Variants in UNC13C observed in about 807,000 individuals in gnomAD.
UNC13C encodes protein unc-13 homolog C.
UNC13C carries 174 observed loss-of-function variants against 245.4 expected under a neutral mutation model. That is an observed-to-expected ratio of 0.71 (90% CI 0.63 to 0.80). UNC13C has a LOEUF of 0.80. Among genes scored for constraint, UNC13C ranks in the 30% least tolerant of loss-of-function variants. The pLI is 0.00. For missense variants in UNC13C, 2,829 were observed against 2,602.9 expected, an observed-to-expected ratio of 1.09 and a Z score of -1.89; for synonymous variants, 992 against 895.1, an observed-to-expected ratio of 1.11 and a Z score of -1.93.
intron 17 of UNC13C, among the ~76,000 whole-genome samples, chr15:54,352,101 T>C (rs113919540): frequency 2.0e-5 from 3 of 151,808 alleles, no homozygotes; most frequent in East Asian, 1.9e-4. Context: ...AAGTTAAATA[T>C]GAAATTTTAA....
chr15:54,612,883 G>C (rs1900196211), intron 30 of UNC13C, among the ~76,000 whole-genome samples: 1 of 151,804 alleles, frequency 6.6e-6, no homozygotes, highest in Non-Finnish European at 1.5e-5. Flanking sequence ...GTTTTAATAA[G>C]CTTTATTTGG....
chr15:53,902,143 A>T, the UNC13C span, among the ~76,000 whole-genome samples: 1 of 152,160 alleles, frequency 6.6e-6, no homozygotes, highest in African/African-American at 2.4e-5. Context: ...CTCATAGCGT[A>T]TAATAATACT....
chr15:54,565,365 G>A lies in UNC13C; in HGVS notation c.5959-2435G>A, dbSNP rs139333273. Among the ~76,000 whole-genome samples, 777 of 152,038 alleles carry A rather than the reference G, an allele frequency of 5.1e-3. 10 individuals carry two copies. The highest frequency in any genetic ancestry group is 0.017 in the African/African-American group (724 of 41,508). On this transcript the variant is annotated intron_variant, in intron 29 of 32. Transcript: ENST00000260323. ...TATTAAAGAAAAGAGGGAGAAAACA[G>A]GTGGCACAGCAGACACTACCACAGA... is the stretch of plus-strand genomic sequence containing the variant.
intron 26 of UNC13C, among the ~76,000 whole-genome samples, chr15:54,539,874 C>T (rs965086458): frequency 6.6e-6 from 1 of 151,986 alleles, no homozygotes; most frequent in Non-Finnish European, 1.5e-5. Flanking sequence ...TATTTTTACT[C>T]AGTCTTACTA....
chr15:54,400,839 G>A (rs964046444), intron 18 of UNC13C, among the ~76,000 whole-genome samples: 1 of 152,106 alleles, frequency 6.6e-6, no homozygotes, highest in African/African-American at 2.4e-5. Context: ...CCATGTTGGT[G>A]TGCTGCACCC....
chr15:54,285,695 A>T (rs2037126538), intron 10 of UNC13C, among the ~76,000 whole-genome samples: 1 of 152,158 alleles, frequency 6.6e-6, no homozygotes, highest in Non-Finnish European at 1.5e-5. Context: ...TTACTAGAAG[A>T]TATTTGAAAC....
At chr15:54,247,443 C>T (rs528576835) in intron 7 of UNC13C, among the ~76,000 whole-genome samples, 1 of 152,134 alleles carries the variant, frequency 6.6e-6, no homozygotes, top group Non-Finnish European at 1.5e-5. Context: ...TTTTTATATG[C>T]TTTTCCTACC....
chr15:54,413,158 GA>G (rs2040448261), intron 18 of UNC13C, among the ~76,000 whole-genome samples: 1 of 151,946 alleles, frequency 6.6e-6, no homozygotes, highest in African/African-American at 2.4e-5. Flanking sequence ...TATATATTGT[GA>G]GATTAAATTT....
At chr15:54,338,304 A>G (rs2038642467) in intron 16 of UNC13C, 57 bp from the exon 17 acceptor site, 4 of 1,569,174 alleles carry the variant, frequency 2.5e-6, no homozygotes, top group South Asian at 1.2e-5. Context: ...AGTAGTTTAT[A>G]CTAGATTACA....
chr15:53,845,322 C>CAAAA, the UNC13C span, among the ~76,000 whole-genome samples: 33 of 135,054 alleles, frequency 2.4e-4, no homozygotes, highest in South Asian at 2.4e-3. Context: ...GAGAGTCTCT[C>CAAAA]AAAAAAAAAA....
the UNC13C span, among the ~76,000 whole-genome samples, chr15:53,881,867 GC>G: frequency 6.6e-6 from 1 of 152,142 alleles, no homozygotes; most frequent in Non-Finnish European, 1.5e-5. Flanking sequence ...TGTGCATCAT[GC>G]CTATAACCCA....
At chr15:54,530,119 A>G (rs1037426157) in intron 25 of UNC13C, among the ~76,000 whole-genome samples, 1 of 152,190 alleles carries the variant, frequency 6.6e-6, no homozygotes, top group Non-Finnish European at 1.5e-5. Flanking sequence ...TGGTCCATTG[A>G]TGCATTCAAC....
chr15:54,346,294 A>C (rs909469839), intron 17 of UNC13C, among the ~76,000 whole-genome samples: 5 of 152,234 alleles, frequency 3.3e-5, no homozygotes, highest in Non-Finnish European at 2.9e-5. Context: ...GTGACTCTAC[A>C]TTAAAACCTA....
At chr15:54,116,412 C>T (rs1210102409) in intron 2 of UNC13C, among the ~76,000 whole-genome samples, 1 of 152,064 alleles carries the variant, frequency 6.6e-6, no homozygotes, top group African/African-American at 2.4e-5. Context: ...ACTAATCAGC[C>T]TATCTTTATA....
intron 17 of UNC13C, among the ~76,000 whole-genome samples, chr15:54,392,719 C>A (rs1230183777): frequency 1.3e-5 from 2 of 151,662 alleles, no homozygotes; most frequent in African/African-American, 4.9e-5. Context: ...GGCATAATTT[C>A]TAATAATAAT....
chr15:54,485,009 T>C (rs575150181), intron 19 of UNC13C, among the ~76,000 whole-genome samples: 1 of 152,328 alleles, frequency 6.6e-6, no homozygotes, highest in East Asian at 1.9e-4. Context: ...TGAATTTTTT[T>C]TTTGTTTTAT....
chr15:53,925,792 T>A, the UNC13C span, among the ~76,000 whole-genome samples: 150,258 of 152,284 alleles, frequency 0.99, 74,162 homozygotes, highest in Middle Eastern at 1. Context: ...GTCTCCGAAA[T>A]CTATTTTTAA....
intron 18 of UNC13C, among the ~76,000 whole-genome samples, chr15:54,403,180 G>A (rs1396850133): frequency 6.6e-6 from 1 of 152,158 alleles, no homozygotes; most frequent in Non-Finnish European, 1.5e-5. Context: ...TATTTAGGCT[G>A]TCCCTGGCCA....
intron 28 of UNC13C, 148 bp downstream of exon 28, chr15:54,549,839 C>T (rs1444186411): frequency 1.8e-6 from 1 of 563,464 alleles, no homozygotes; most frequent in African/African-American, 1.9e-5. Flanking sequence ...GAATTTTTAA[C>T]TTTGTATTGC....
Sources: allele counts gnomAD v4.1 joint callset (sites outside exome capture counted in the v4.1 genomes callset), GRCh38; gene constraint gnomAD v4.1.1; transcripts MANE v1.5; gene names NCBI Gene and HGNC (gene_info 2026-07-23, HGNC 2026-07-21).